Variants in PPFIBP1 observed in about 807,000 individuals in gnomAD.
PPFIBP1 encodes the protein liprin-beta-1.
Under a neutral mutation model 137.8 loss-of-function variants are expected in PPFIBP1, and 112 were observed. That is an observed-to-expected ratio of 0.81 (90% CI 0.70 to 0.95). The LOEUF (loss-of-function observed/expected upper bound fraction) is 0.95. PPFIBP1 is among the 40% of genes least tolerant of loss of function. The pLI, the probability that PPFIBP1 is intolerant of heterozygous loss-of-function variation, is 0.00. For synonymous variants in PPFIBP1, 378 were observed against 417.3 expected (o/e 0.91, Z 1.15); for missense variants, 1,083 against 1,196.6 (o/e 0.91, Z 1.40).
At chr12:27,676,821 C>T (rs760915387) in intron 18 of PPFIBP1, 13 of 705,388 alleles carry the variant, frequency 1.8e-5, no homozygotes, top group South Asian at 1.0e-4. Context: ...ATAAACTTAG[C>T]GGAAAGACCT....
intron 2 of PPFIBP1, among the ~76,000 whole-genome samples, chr12:27,580,298 A>G (rs1245776536): frequency 6.6e-6 from 1 of 152,256 alleles, no homozygotes; most frequent in African/African-American, 2.4e-5. Flanking sequence ...TTAAAAGTAT[A>G]GAACTAGGAA....
At chr12:27,580,209 A>G (rs1162827641) in intron 2 of PPFIBP1, among the ~76,000 whole-genome samples, 2 of 152,218 alleles carry the variant, frequency 1.3e-5, no homozygotes, top group Admixed American at 1.3e-4. Context: ...TTCTGAACAA[A>G]TTCATTAAGC....
chr12:27,539,969 G>A (rs2135982034), intron 1 of PPFIBP1, among the ~76,000 whole-genome samples: 1 of 151,952 alleles, frequency 6.6e-6, no homozygotes, highest in South Asian at 2.1e-4. Context: ...CTACTAAAAT[G>A]TCTGTAAATA....
At position 27,599,022 on chromosome 12, in the gene PPFIBP1, C is replaced by T. The variant is rs375551493; in HGVS notation, c.-36+20783C>T. Among the ~76,000 whole-genome samples, 15 of 152,308 alleles carry T rather than the reference C, an allele frequency of 9.8e-5. No homozygotes were observed. In the East Asian group the frequency reaches 1.9e-3, roughly 20 times the overall value. Reference sequence around the variant, plus strand: ...AGCCAATAATAACTAAGAATTGGAACACTTCCTAAGATCCATTTGACTTGA... The same window carrying T: ...AGCCAATAATAACTAAGAATTGGAATACTTCCTAAGATCCATTTGACTTGA... On this transcript the variant is annotated intron_variant, in intron 2 of 29. Transcript: ENST00000228425.
chr12:27,555,371 T>C (rs73076238), intron 1 of PPFIBP1, among the ~76,000 whole-genome samples: 15,539 of 152,300 alleles, frequency 0.1, 983 homozygotes, highest in South Asian at 0.28. Context: ...TCTCTAAATG[T>C]GGCTTTTCTT....
intron 2 of PPFIBP1, among the ~76,000 whole-genome samples, chr12:27,588,762 T>C (rs577769164): frequency 6.6e-6 from 1 of 152,232 alleles, no homozygotes; most frequent in Non-Finnish European, 1.5e-5. Flanking sequence ...AAAGCTGTGA[T>C]GTTTACCATA....
rs2061706975 is a variant in PPFIBP1 at position 27,695,118 on chromosome 12, C to G, written c.*2236C>G. On this transcript the variant is annotated 3_prime_UTR_variant, in exon 30 of 30. Coordinates refer to ENST00000228425, the MANE Select transcript of PPFIBP1 (RefSeq NM_003622.4). ...AAATACCAGGAAACTGTTACAGACG[C>G]CATTTTTTTTTTTTTTGAGACGGAG... is the stretch of plus-strand genomic sequence containing the variant. 1 of 85,506 alleles carries G rather than the reference C, an allele frequency of 1.2e-5. No individual in the cohort carries two copies. The highest frequency in any genetic ancestry group is 1.5e-4 in the Admixed American group (1 of 6,646). 5.3% of individuals were successfully genotyped at this position (85,506 alleles called of 1,614,324 possible). A position where few individuals can be genotyped will look rare whatever the true frequency, so the allele number is the denominator to read the frequency against.
At chr12:27,547,784 C>G (rs1228954407) in intron 1 of PPFIBP1, 1 of 152,258 alleles carries the variant, frequency 6.6e-6, no homozygotes, top group Admixed American at 6.5e-5. Context: ...ACTGGCCACC[C>G]CTTCTGGGGG....
At chr12:27,626,052 G>A (rs908957286) in intron 2 of PPFIBP1, among the ~76,000 whole-genome samples, 13 of 151,990 alleles carry the variant, frequency 8.6e-5, no homozygotes, top group Admixed American at 7.9e-4. Context: ...TTCTGGTTTC[G>A]CCACCTCCCC....
intron 2 of PPFIBP1, among the ~76,000 whole-genome samples, chr12:27,617,151 C>A (rs1319284520): frequency 1.1e-4 from 16 of 152,170 alleles, no homozygotes; most frequent in Non-Finnish European, 2.4e-4. Context: ...TCAAAGACAT[C>A]CAATAGAGGT....
At position 27,694,701 on chromosome 12, in the gene PPFIBP1, T is replaced by C. The variant is rs1420871030; in HGVS notation, c.*1819T>C. ...GCAAAAACTGTTACTGTGTTTATTA[T>C]ATTTGTAGAAGTATTAGAAAAATAT... On this transcript the variant is annotated 3_prime_UTR_variant, in exon 30 of 30. Transcript: ENST00000228425. The C allele has an allele frequency of 6.6e-6, 1 of 152,236 alleles. No homozygotes were observed. The highest frequency in any genetic ancestry group is 1.5e-5 in the Non-Finnish European group (1 of 68,044). The allele number at this position is 152,236 out of a possible 1,614,324, so 9.4% of individuals were successfully genotyped here.
intron 2 of PPFIBP1, among the ~76,000 whole-genome samples, chr12:27,586,566 G>A (rs1433573908): frequency 6.6e-6 from 1 of 152,094 alleles, no homozygotes; most frequent in African/African-American, 2.4e-5. Flanking sequence ...GTGTGGTTGT[G>A]TACGCCTATA....
At chr12:27,576,125 A>G (rs780664435) in intron 1 of PPFIBP1, among the ~76,000 whole-genome samples, 9 of 152,046 alleles carry the variant, frequency 5.9e-5, no homozygotes, top group Non-Finnish European at 1.3e-4. Flanking sequence ...TTTTCTCATA[A>G]TCCTCCTCCC....
intron 13 of PPFIBP1, among the ~76,000 whole-genome samples, chr12:27,669,811 A>G (rs1344007123): frequency 6.6e-6 from 1 of 152,244 alleles, no homozygotes; most frequent in South Asian, 2.1e-4. Context: ...TGAATAACAT[A>G]AACAAAAATC....
At chr12:27,576,012 G>C (rs1464037208) in intron 1 of PPFIBP1, among the ~76,000 whole-genome samples, 2 of 152,118 alleles carry the variant, frequency 1.3e-5, no homozygotes, top group African/African-American at 4.8e-5. Context: ...TTCAGTCCTG[G>C]TTAGGCCAAA....
At position 27,694,889 on chromosome 12, in the gene PPFIBP1, A is replaced by G. The variant is rs2061702169; in HGVS notation, c.*2007A>G. The G allele has an allele frequency of 6.6e-6, 1 of 152,240 alleles. No homozygotes were observed. The allele number at this position is 152,240 out of a possible 1,614,324, so 9.4% of individuals were successfully genotyped here. On this transcript the variant is annotated 3_prime_UTR_variant, in exon 30 of 30. Transcript: ENST00000228425. ...GGTATTATCTTTTAAGTTGTCAGCA[A>G]GTTACCAAGGTATTCATTAAAGAAC...
At chr12:27,646,924 G>C (rs1593105230) in intron 5 of PPFIBP1, among the ~76,000 whole-genome samples, 1 of 152,326 alleles carries the variant, frequency 6.6e-6, no homozygotes, top group East Asian at 1.9e-4. Flanking sequence ...GGTATATTGA[G>C]TTGCCCCCCC....
intron 2 of PPFIBP1, among the ~76,000 whole-genome samples, chr12:27,610,087 T>C (rs1273298509): frequency 6.6e-6 from 1 of 152,178 alleles, no homozygotes; most frequent in Non-Finnish European, 1.5e-5. Flanking sequence ...TGAGGTACTC[T>C]GTGAAGGACA....
chr12:27,594,760 T>C (rs757571357), intron 2 of PPFIBP1, among the ~76,000 whole-genome samples: 45 of 152,092 alleles, frequency 3.0e-4, no homozygotes, highest in Non-Finnish European at 5.9e-4. Context: ...CTAAAGGTAA[T>C]AACTATCAAA....
Sources: allele counts gnomAD v4.1 joint callset (sites outside exome capture counted in the v4.1 genomes callset), GRCh38; gene constraint gnomAD v4.1.1; transcripts MANE v1.5; gene names NCBI Gene and HGNC (gene_info 2026-07-23, HGNC 2026-07-21).